IARS1: variants seen among roughly 807,000 people sequenced by gnomAD.
The protein encoded by IARS1 is isoleucyl-tRNA synthetase 1.
A neutral mutation model predicts 168.2 loss-of-function variants in IARS1; 124 were observed. The ratio of observed to expected loss-of-function variants is 0.74; its 90% CI spans 0.64 to 0.86. IARS1 has a LOEUF of 0.86. IARS1 is among the 40% of genes least tolerant of loss of function. The probability of loss-of-function intolerance (pLI) is 0.00; values close to 1 mark genes in which losing one functional copy is unlikely to be tolerated. For missense variants in IARS1, 1,452 were observed against 1,515.8 expected, an observed-to-expected ratio of 0.96 and a Z score of 0.70; for synonymous variants, 532 against 529.4, an observed-to-expected ratio of 1.00 and a Z score of -0.07.
At chr9:92,258,726 G>A in intron 19 of IARS1, 128 bp downstream of exon 19, 2 of 966,062 alleles carry the variant, frequency 2.1e-6, no homozygotes, top group Non-Finnish European at 2.9e-6. Flanking sequence ...ATGGCTCTAA[G>A]TTACCCCAGC....
At chr9:92,226,451 C>T (rs1429574910) in intron 31 of IARS1, among the ~76,000 whole-genome samples, 1 of 152,150 alleles carries the variant, frequency 6.6e-6, no homozygotes, top group Non-Finnish European at 1.5e-5. Context: ...ATTTGCATTT[C>T]TTCTTTTAAG....
intron 7 of IARS1, among the ~76,000 whole-genome samples, chr9:92,278,590 T>G (rs575254396): frequency 6.6e-6 from 1 of 152,234 alleles, no homozygotes; most frequent in Non-Finnish European, 1.5e-5. Flanking sequence ...AAAAATAACA[T>G]TGACAAAGTA....
In IARS1 at chr9:92,250,298, T is replaced by C. The variant is rs749307136; in HGVS notation, c.2430-9A>G. 2.7e-6 allele frequency: 4 copies of C among 1,502,102 alleles called. No homozygotes were observed. The highest frequency in any genetic ancestry group is 3.3e-5 in the Admixed American group (2 of 59,838). The allele number at this position is 1,502,102 out of a possible 1,614,324, so 93.0% of individuals were successfully genotyped here. On this transcript the variant is annotated splice_polypyrimidine_tract_variant and intron_variant, in intron 23 of 33. Transcript: ENST00000443024. ...TGTCAATCAATTCTTCTCTGAGTGGTAGAGGTAGGAATATGAAAGAGTTTA... is the reference window on the plus strand; with the variant it reads ...TGTCAATCAATTCTTCTCTGAGTGGCAGAGGTAGGAATATGAAAGAGTTTA...
intron 25 of IARS1, among the ~76,000 whole-genome samples, chr9:92,249,474 A>G (rs1315891823): frequency 2.0e-5 from 3 of 152,038 alleles, no homozygotes; most frequent in Admixed American, 2.0e-4. Context: ...AATCGCTTGA[A>G]CCCAGGAGGT....
At chr9:92,220,764 A>C (rs10761147) in intron 33 of IARS1, among the ~76,000 whole-genome samples, 61,146 of 152,024 alleles carry the variant, frequency 0.4, 14,459 homozygotes, top group African/African-American at 0.65. Context: ...GCAGGAGTTC[A>C]AGACCAGCCT....
intron 33 of IARS1, among the ~76,000 whole-genome samples, chr9:92,218,677 T>A (rs1406225346): frequency 6.0e-4 from 53 of 87,966 alleles, no homozygotes; most frequent in South Asian, 2.5e-3. Context: ...CACAATTGCT[T>A]CAAAGAGAAT....
chr9:92,250,257 G>T lies in IARS1; in HGVS notation c.2462C>A (p.Ala821Glu). The T allele has an allele frequency of 6.2e-7, 1 of 1,609,864 alleles. No homozygotes were observed. The highest frequency in any genetic ancestry group is 8.5e-7 in the Non-Finnish European group (1 of 1,176,154). ...AATCACAGACTGCATCTGAGATACTGCACTCTCTGTTTTCTTGTCAATCAA... is the reference window on the plus strand; with the variant it reads ...AATCACAGACTGCATCTGAGATACTTCACTCTCTGTTTTCTTGTCAATCAA... ...EELIDKKTES[A>E]VSQMQSVIEL... Residue 821 changes from alanine (A) to glutamate (E), a missense_variant, in exon 24 of 34, where the codon GCA becomes GAA. Transcript: ENST00000443024.
chr9:92,278,363 C>T, intron 7 of IARS1, 77 bp from the exon 8 acceptor site: 1 of 990,994 alleles, frequency 1.0e-6, no homozygotes, highest in Non-Finnish European at 1.6e-6. Flanking sequence ...ATCAAGCATA[C>T]TTTTGTCCTG....
chr9:92,215,537 G>A (rs1404050588), intron 33 of IARS1, among the ~76,000 whole-genome samples: 3 of 151,842 alleles, frequency 2.0e-5, no homozygotes, highest in African/African-American at 7.2e-5. Context: ...AAATTTAGAA[G>A]AATGTATAAC....
intron 33 of IARS1, among the ~76,000 whole-genome samples, chr9:92,219,057 C>T (rs1386176314): frequency 6.6e-6 from 1 of 152,172 alleles, no homozygotes; most frequent in Non-Finnish European, 1.5e-5. Context: ...CAGCATGGTA[C>T]TGGTACCAAA....
At chr9:92,282,166 A>T (rs564852916) in intron 6 of IARS1, among the ~76,000 whole-genome samples, 54 of 152,338 alleles carry the variant, frequency 3.5e-4, no homozygotes, top group African/African-American at 1.2e-3. Context: ...CTCAAAGGGT[A>T]CTGTGCCCCA....
intron 18 of IARS1, 26 bp from the exon 19 acceptor site, chr9:92,259,024 G>C: frequency 2.5e-6 from 4 of 1,577,772 alleles, no homozygotes; most frequent in Non-Finnish European, 3.4e-6. Context: ...AAATTAGACA[G>C]AAAAGGTACT....
chr9:92,265,366 G>A (rs1832140370), intron 15 of IARS1, 114 bp downstream of exon 15: 2 of 1,014,714 alleles, frequency 2.0e-6, no homozygotes, highest in African/African-American at 3.2e-5. Flanking sequence ...TGAGTCATCA[G>A]CAAAGTAATT....
chr9:92,262,867 GC>G (rs1831721816), intron 17 of IARS1, 101 bp downstream of exon 17: 1 of 784,622 alleles, frequency 1.3e-6, no homozygotes, highest in African/African-American at 1.7e-5. Flanking sequence ...TGGAGACAAA[GC>G]TCCACCTGTC....
intron 30 of IARS1, among the ~76,000 whole-genome samples, chr9:92,233,830 T>C (rs1258219079): frequency 6.6e-6 from 1 of 152,180 alleles, no homozygotes; most frequent in Non-Finnish European, 1.5e-5. Flanking sequence ...GGCATGATCA[T>C]GGCTCACTGC....
intron 16 of IARS1, among the ~76,000 whole-genome samples, chr9:92,264,316 C>T (rs1018153965): frequency 8.1e-5 from 12 of 147,320 alleles, no homozygotes; most frequent in African/African-American, 3.0e-4. Flanking sequence ...GCCTGGGCAG[C>T]AGAGTGCAAG....
At chr9:92,272,154 AG>A (rs1382541141) in intron 10 of IARS1, among the ~76,000 whole-genome samples, 2 of 152,250 alleles carry the variant, frequency 1.3e-5, no homozygotes, top group African/African-American at 4.8e-5. Flanking sequence ...AAAACCAAAC[AG>A]CCTGGCTCCA....
intron 17 of IARS1, 125 bp from the exon 18 acceptor site, chr9:92,260,359 A>C: frequency 1.3e-6 from 1 of 744,634 alleles, no homozygotes; most frequent in Non-Finnish European, 2.4e-6. Flanking sequence ...ACTTAGATAG[A>C]AGTTAGTGCT....
chr9:92,210,919 A>G, intron 33 of IARS1, 30 bp from the exon 34 acceptor site: 1 of 1,381,082 alleles, frequency 7.2e-7, no homozygotes, highest in Non-Finnish European at 1.0e-6. Flanking sequence ...TTGAAAAAAA[A>G]TCAGTATTTT....
Sources: gnomAD v4.1 joint callset for allele counts (sites outside exome capture counted in the v4.1 genomes callset) on GRCh38, gnomAD v4.1.1 for gene constraint, MANE v1.5 for transcripts, NCBI Gene and HGNC (gene_info 2026-07-23, HGNC 2026-07-21) for gene names.